The following USF3 variants were observed in gnomAD, a reference collection of about 807,000 sequenced individuals.
The protein encoded by USF3 is basic helix-loop-helix domain-containing protein USF3.
Under a neutral mutation model 157.5 loss-of-function variants are expected in USF3, and 29 were observed. The ratio of observed to expected loss-of-function variants is 0.18; its 90% CI spans 0.14 to 0.25. The LOEUF is 0.25. USF3 is among the 10% of genes least tolerant of loss of function. The pLI is 1.00. For synonymous variants in USF3, 893 were observed against 941.4 expected, an observed-to-expected ratio of 0.95 and a Z score of 0.94; for missense variants, 2,381 against 2,667.6, an observed-to-expected ratio of 0.89 and a Z score of 2.37.
chr3:113,679,949 C>CT lies in USF3; in HGVS notation c.-134-2553dup, dbSNP rs1047476907. Among the ~76,000 whole-genome samples, 724 of 123,166 alleles carry CT rather than the reference C, an allele frequency of 5.9e-3. 5 individuals carry two copies. The highest frequency in any genetic ancestry group is 0.018 in the African/African-American group (602 of 33,230). The allele number at this position is 123,166 out of a possible 152,430, so 80.8% of individuals were successfully genotyped here. A position where few individuals can be genotyped will look rare whatever the true frequency, so the allele number is the denominator to read the frequency against. Reference sequence around the variant, plus strand: ...AATTTGTAACAGAGTTTATGTTTTTCTTTTTTTTTTTGAGACAGAGTTTCG... The same window carrying CT: ...AATTTGTAACAGAGTTTATGTTTTTCTTTTTTTTTTTTGAGACAGAGTTTCG... On this transcript the variant is annotated intron_variant, in intron 1 of 6. Coordinates refer to ENST00000316407, the MANE Select transcript of USF3 (RefSeq NM_001009899.4).
chr3:113,660,474 G>T lies in USF3; in HGVS notation c.1208C>A (p.Ser403Tyr), dbSNP rs550201856. The T allele has an allele frequency of 7.4e-6, 12 of 1,614,140 alleles. No homozygotes were observed. Among genetic ancestry groups the T allele is most frequent in the Non-Finnish European group, 9.3e-6 (11 of 1,180,036 alleles). Residue 403 changes from serine (S) to tyrosine (Y), a missense_variant, in exon 7 of 7, where the codon TCT becomes TAT. Around this residue, in one of 6 missense-constraint regions of USF3, gnomAD observed 1,435 missense variants for 1,550.9 expected, o/e 0.93. Transcript: ENST00000316407. ...PLDNGWTLSCSLPSSSVSTSD... is the reference protein window; with the variant it reads ...PLDNGWTLSCYLPSSSVSTSD... ...AGTACTAACACTTGAAGAAGGCAAA[G>T]AACAAGAAAGAGTCCAACCATTGTC...
rs77779667 is a variant in USF3 at position 113,652,112 on chromosome 3, T to A, written c.*2832A>T. 2,113 of 61,546 alleles carry A rather than the reference T, an allele frequency of 0.034. 25 individuals carry two copies. Among genetic ancestry groups the A allele is most frequent in the East Asian group, 0.081 (164 of 2,032 alleles). 3.8% of individuals were successfully genotyped at this position (61,546 alleles called of 1,614,324 possible). On this transcript the variant is annotated 3_prime_UTR_variant, in exon 7 of 7. Coordinates refer to ENST00000316407, the MANE Select transcript of USF3 (RefSeq NM_001009899.4). ...GAGAGAGAGAGAGAGAGAGAGAGTG[T>A]GTGTGTGTGTGTGTGTGTGTGTGTG...
intron 1 of USF3, among the ~76,000 whole-genome samples, chr3:113,696,140 G>A (rs1011391549): frequency 4.6e-5 from 7 of 152,338 alleles, no homozygotes; most frequent in Admixed American, 1.3e-4. Context: ...AGCCGGGGAC[G>A]CAGGGCGGGC....
chr3:113,664,650 C>T (rs1303229632), intron 5 of USF3, among the ~76,000 whole-genome samples: 2 of 152,088 alleles, frequency 1.3e-5, no homozygotes, highest in African/African-American at 4.8e-5. Context: ...CAAACAAAGT[C>T]CCTGTCCTTG....
At chr3:113,664,267 A>C in intron 6 of USF3, 46 bp downstream of exon 6, 1 of 1,275,846 alleles carries the variant, frequency 7.8e-7, no homozygotes, top group Non-Finnish European at 1.1e-6. Context: ...ACAAACACCT[A>C]AACATTTTAA....
In USF3 at chr3:113,680,999, T is replaced by C. The variant is rs374116804; in HGVS notation, c.-134-3602A>G. On this transcript the variant is annotated intron_variant, in intron 1 of 6. Transcript: ENST00000316407. ...CTACTTTTTATTTTTATTTTTGAGA[T>C]AGACTCTCACTCTGTCACCCAGGCT... is the stretch of plus-strand genomic sequence containing the variant. 3.0e-3 allele frequency among the ~76,000 whole-genome samples: 451 copies of C among 152,234 alleles called. 3 individuals are homozygous for C. The highest frequency in any genetic ancestry group is 0.01 in the African/African-American group (427 of 41,536).
chr3:113,676,828 C>G (rs536173246), intron 2 of USF3, among the ~76,000 whole-genome samples: 1 of 152,130 alleles, frequency 6.6e-6, no homozygotes, highest in East Asian at 1.9e-4. Context: ...GGGCAAGTTA[C>G]ATGACCCTCA....
rs5851904 is a variant in USF3 at position 113,652,108 on chromosome 3, A to AGTGTGTGTGTGTGT, written c.*2822_*2835dup. 6.3e-5 allele frequency: 9 copies of AGTGTGTGTGTGTGT among 141,976 alleles called. No individual in the cohort carries two copies. The highest frequency in any genetic ancestry group is 2.1e-4 in the African/African-American group (8 of 38,274). 8.8% of individuals were successfully genotyped at this position (141,976 alleles called of 1,614,324 possible). On this transcript the variant is annotated 3_prime_UTR_variant, in exon 7 of 7. Transcript: ENST00000316407. ...TGGAGAGAGAGAGAGAGAGAGAGAG[A>AGTGTGTGTGTGTGT]GTGTGTGTGTGTGTGTGTGTGTGTG... is the stretch of plus-strand genomic sequence containing the variant.
rs773528758 is a variant in USF3 at position 113,657,045 on chromosome 3, T to C, written c.4637A>G (p.Asp1546Gly). 1 of 1,613,986 alleles carries C rather than the reference T, an allele frequency of 6.2e-7. No homozygotes were observed. Among genetic ancestry groups the C allele is most frequent in the African/African-American group, 1.3e-5 (1 of 74,920 alleles). Reference protein sequence around the residue: ...LSLQPKHHGTDQSRSKTGQPH... With the variant: ...LSLQPKHHGTGQSRSKTGQPH... ...CTGGCCAGTCTTGGATCGGGATTGG[T>C]CAGTTCCATGGTGCTTTGGTTGTAA... The change falls in exon 7 of 7, where the codon GAC becomes GGC. Residue 1546 changes from aspartate (D) to glycine (G), a missense_variant. This residue lies in a region of USF3 where 50 missense variants were observed against 79.7 expected (regional missense o/e 0.63). Transcript: ENST00000316407.
In USF3 at chr3:113,650,161, A is replaced by G. The variant is rs1947236435; in HGVS notation, c.*4783T>C. Reference sequence around the variant, plus strand: ...ACAAAAATGGCTTCCAGGCTCCTAAAGATATCACTCCAAAGCTGTTTCATT... The same window carrying G: ...ACAAAAATGGCTTCCAGGCTCCTAAGGATATCACTCCAAAGCTGTTTCATT... On this transcript the variant is annotated 3_prime_UTR_variant, in exon 7 of 7. Transcript: ENST00000316407. The G allele has an allele frequency of 5.2e-6, 2 of 385,694 alleles. No individual in the cohort carries two copies. Among genetic ancestry groups the G allele is most frequent in the South Asian group, 7.3e-5 (2 of 27,470 alleles). The allele number at this position is 385,694 out of a possible 1,614,324, so 23.9% of individuals were successfully genotyped here.
At chr3:113,664,893 A>ATC (rs772153136) in intron 5 of USF3, among the ~76,000 whole-genome samples, 2 of 152,050 alleles carry the variant, frequency 1.3e-5, no homozygotes, top group Non-Finnish European at 2.9e-5. Flanking sequence ...GACAGAGATG[A>ATC]TCTCTCTCTC....
chr3:113,685,734 A>G (rs960558905), intron 1 of USF3, among the ~76,000 whole-genome samples: 2 of 152,010 alleles, frequency 1.3e-5, no homozygotes, highest in African/African-American at 4.8e-5. Context: ...TCAAAACCCA[A>G]TGGCTCTTTG....
rs368008439 is a variant in USF3, at chr3:113,657,314, G to A, written c.4368C>T (p.Asn1456=). 78 of 1,613,254 alleles carry A rather than the reference G, an allele frequency of 4.8e-5. No individual in the cohort carries two copies. The highest frequency in any genetic ancestry group is 6.2e-5 in the Non-Finnish European group (73 of 1,179,740). The change falls in exon 7 of 7, where the codon AAC becomes AAT. Residue 1456 remains asparagine, a synonymous_variant. Coordinates refer to ENST00000316407, the MANE Select transcript of USF3 (RefSeq NM_001009899.4). The part of the protein sequence containing the change: ...PAQGVSHLHS[N]HLYIKQQQQQ... ...GCTGCTGCTGCTTTATGTAGAGATG[G>A]TTACTATGAAGGTGAGATACACCTT...
rs768479398 is a variant in USF3, at chr3:113,656,492, G to A, written c.5190C>T (p.Arg1730=). The A allele has an allele frequency of 6.8e-6, 11 of 1,614,086 alleles. No individual in the cohort carries two copies. In the South Asian group the frequency reaches 8.8e-5, roughly 13 times the overall value. The change falls in exon 7 of 7, where the codon CGC becomes CGT. Residue 1730 remains arginine, a synonymous_variant. Transcript: ENST00000316407. ...RVDHTVASDI[R]LSDCQTFKPS... is the part of the protein sequence containing the mutation. ...GTTTAAACGTCTGACAATCAGAAAG[G>A]CGGATATCTGAGGCCACAGTATGGT...
intron 5 of USF3, among the ~76,000 whole-genome samples, chr3:113,668,462 CAA>C (rs1250260399): frequency 1.9e-4 from 24 of 123,682 alleles, no homozygotes; most frequent in East Asian, 4.6e-4. Context: ...AGCTATCCCA[CAA>C]AAAAAAAAAA....
At chr3:113,664,163 T>C in intron 6 of USF3, 150 bp downstream of exon 6, 1 of 543,140 alleles carries the variant, frequency 1.8e-6, no homozygotes, top group Non-Finnish European at 3.2e-6. Flanking sequence ...AATTTATTGG[T>C]AACATTATTC....
chr3:113,696,003 C>A (rs973886863), intron 1 of USF3, among the ~76,000 whole-genome samples: 19 of 152,370 alleles, frequency 1.2e-4, no homozygotes, highest in Admixed American at 3.9e-4. Context: ...GTGAAGGAGG[C>A]GGGCAAAGGC....
chr3:113,660,273 T>C lies in USF3; in HGVS notation c.1409A>G (p.His470Arg), dbSNP rs1222631475. 16 of 1,614,022 alleles carry C rather than the reference T, an allele frequency of 9.9e-6. No individual in the cohort carries two copies. Among genetic ancestry groups the C allele is most frequent in the Non-Finnish European group, 1.2e-5 (14 of 1,179,990 alleles). ...GATGTCTGTAGCCACATATCTACTG[T>C]GGTTGCTTGTGGTGGGGCTAGTACC... The part of the protein sequence containing the change: ...ESGTSPTTSN[H>R]SRYVATDINL... The change falls in exon 7 of 7, where the codon CAC (histidine) becomes CGC (arginine). Residue 470 changes from histidine to arginine, a missense_variant. Around this residue, in one of 6 missense-constraint regions of USF3, gnomAD observed 1,435 missense variants for 1,550.9 expected, o/e 0.93. Coordinates refer to ENST00000316407, the MANE Select transcript of USF3 (RefSeq NM_001009899.4).
intron 4 of USF3, among the ~76,000 whole-genome samples, chr3:113,672,535 CTG>C (rs1249218383): frequency 6.6e-6 from 1 of 152,030 alleles, no homozygotes; most frequent in African/African-American, 2.4e-5. Context: ...AAGCAATAAA[CTG>C]TGCTTACCTT....
Sources: allele counts gnomAD v4.1 joint callset (sites outside exome capture counted in the v4.1 genomes callset), GRCh38; gene constraint gnomAD v4.1.1; regional missense constraint gnomAD v4.1.1; transcripts MANE v1.5; gene names NCBI Gene and HGNC (gene_info 2026-07-23, HGNC 2026-07-21).